DAB1: variants seen among roughly 807,000 people sequenced by gnomAD.
DAB1 encodes disabled homolog 1.
In DAB1, 15 loss-of-function variants were observed where a neutral mutation model predicts 64.6. The observed-to-expected ratio is 0.23, with a 90% CI of 0.16 to 0.36. The LOEUF (loss-of-function observed/expected upper bound fraction) is 0.36, where lower values mean the gene tolerates loss of function less well. Among genes scored for constraint, DAB1 ranks in the 10% least tolerant of loss-of-function variants. DAB1 has a pLI of 1.00. For missense variants in DAB1, 596 were observed against 706.7 expected, an observed-to-expected ratio of 0.84 and a Z score of 1.78; for synonymous variants, 235 against 251.9, an observed-to-expected ratio of 0.93 and a Z score of 0.64.
At chr1:58,012,338 G>A (rs1338323163) in intron 5 of DAB1, among the ~76,000 whole-genome samples, 3 of 152,076 alleles carry the variant, frequency 2.0e-5, no homozygotes, top group Non-Finnish European at 4.4e-5. Context: ...ACTCCATGGG[G>A]TGACTCAGGG....
chr1:58,497,846 T>C (rs1645830629), intron 3 of DAB1, among the ~76,000 whole-genome samples: 1 of 152,196 alleles, frequency 6.6e-6, no homozygotes. Context: ...TGTCTTAGTT[T>C]CAGTTGAAGA....
chr1:57,260,352 T>C (rs1670089527), intron 2 of DAB1, among the ~76,000 whole-genome samples: 1 of 152,166 alleles, frequency 6.6e-6, no homozygotes, highest in South Asian at 2.1e-4. Context: ...TCATTGCTCA[T>C]ATCATCTCAT....
chr1:57,365,416 A>G (rs1679916078), intron 1 of DAB1, among the ~76,000 whole-genome samples: 1 of 146,524 alleles, frequency 6.8e-6, no homozygotes, highest in Non-Finnish European at 1.5e-5. Flanking sequence ...AAGAATATAT[A>G]TATTCTGTAC....
intron 4 of DAB1, among the ~76,000 whole-genome samples, chr1:58,292,521 G>A (rs1260448748): frequency 1.3e-5 from 2 of 152,126 alleles, no homozygotes. Context: ...TGTCTTCAAT[G>A]TGTTCATATC....
chr1:57,223,816 C>A (rs1259048331), intron 2 of DAB1, among the ~76,000 whole-genome samples: 1 of 152,166 alleles, frequency 6.6e-6, no homozygotes, highest in Non-Finnish European at 1.5e-5. Context: ...CTGAGCTGGT[C>A]CTGCTGCCAC....
Position 58,505,981 on chromosome 1 carries a change from A to G in DAB1, n.257+79T>C, listed in dbSNP as rs1645982384. 5.4e-6 allele frequency: 4 copies of G among 744,536 alleles called. No homozygotes were observed. In the South Asian group the frequency reaches 7.1e-5, roughly 13 times the overall value. 46.1% of individuals were successfully genotyped at this position (744,536 alleles called of 1,614,324 possible). ...AGTTAATAGGCTAGAACTCTCTTTT[A>G]CTAAGCAAAAGAAGTGACAGCATTA... On this transcript the variant is annotated intron_variant and non_coding_transcript_variant, in intron 3 of 20. Transcript: ENST00000485760.
chr1:58,206,480 C>A (rs1658292023), intron 4 of DAB1, among the ~76,000 whole-genome samples: 4 of 152,126 alleles, frequency 2.6e-5, no homozygotes, highest in African/African-American at 7.2e-5. Context: ...TTCCCTTTGG[C>A]TTAGTGATTT....
At chr1:57,343,052 A>T (rs61769667) in intron 1 of DAB1, among the ~76,000 whole-genome samples, 76,845 of 151,038 alleles carry the variant, frequency 0.51, 20,269 homozygotes, top group Non-Finnish European at 0.56. Context: ...CCCCACCCAC[A>T]TCCTGCTGAT....
intron 3 of DAB1, among the ~76,000 whole-genome samples, chr1:57,144,485 G>A (rs1180348497): frequency 6.6e-6 from 1 of 152,058 alleles, no homozygotes; most frequent in Non-Finnish European, 1.5e-5. Context: ...CATGAGGTCA[G>A]GAGTTCGAGA....
intron 5 of DAB1, among the ~76,000 whole-genome samples, chr1:57,911,198 A>G (rs1251077098): frequency 6.6e-6 from 1 of 152,246 alleles, no homozygotes; most frequent in South Asian, 2.1e-4. Context: ...CCCCAGGTGC[A>G]GTGCAAAAGC....
intron 3 of DAB1, among the ~76,000 whole-genome samples, chr1:58,368,633 T>C (rs150403409): frequency 3.9e-4 from 60 of 152,282 alleles, no homozygotes; most frequent in African/African-American, 1.4e-3. Context: ...GAAGATGCAG[T>C]AAACCTGGGC....
intron 7 of DAB1, among the ~76,000 whole-genome samples, chr1:57,477,495 A>G (rs143391740): frequency 1.3e-5 from 2 of 152,278 alleles, no homozygotes; most frequent in East Asian, 3.9e-4. Context: ...TTATTTCAGG[A>G]CACTAGTTTT....
intron 5 of DAB1, among the ~76,000 whole-genome samples, chr1:58,144,201 A>G (rs1261385066): frequency 2.6e-5 from 4 of 152,206 alleles, no homozygotes; most frequent in African/African-American, 7.2e-5. Flanking sequence ...AAGGCATGGG[A>G]TGGCCTTTGA....
intron 7 of DAB1, among the ~76,000 whole-genome samples, chr1:57,445,132 T>C (rs561967424): frequency 1.8e-3 from 267 of 152,324 alleles, no homozygotes; most frequent in Non-Finnish European, 3.1e-3. Context: ...AAAATATTTT[T>C]AGAGTTTTAT....
At chr1:58,212,014 A>C (rs1172352657) in intron 4 of DAB1, among the ~76,000 whole-genome samples, 1 of 152,140 alleles carries the variant, frequency 6.6e-6, no homozygotes, top group African/African-American at 2.4e-5. Flanking sequence ...TCCCACTCCA[A>C]ACCCCTCCCT....
At chr1:58,417,528 C>T (rs1048541564) in intron 3 of DAB1, among the ~76,000 whole-genome samples, 1 of 152,192 alleles carries the variant, frequency 6.6e-6, no homozygotes, top group Non-Finnish European at 1.5e-5. Context: ...GAGGCAATAT[C>T]CAGTGCAGAA....
intron 1 of DAB1, among the ~76,000 whole-genome samples, chr1:57,321,044 T>C (rs1167434763): frequency 1.3e-5 from 2 of 152,094 alleles, no homozygotes; most frequent in Admixed American, 6.6e-5. Context: ...ATGCATTAAT[T>C]TTACAGATGA....
intron 9 of DAB1, chr1:57,033,488 T>C (rs537044511): frequency 8.7e-6 from 14 of 1,612,746 alleles, no homozygotes; most frequent in Middle Eastern, 1.6e-4. Flanking sequence ...GAAAATGACA[T>C]GAAACAGTTA....
At position 57,650,489 on chromosome 1, in the gene DAB1, G is replaced by A. The variant is rs192098608; in HGVS notation, n.552-824C>T. On this transcript the variant is annotated intron_variant and non_coding_transcript_variant, in intron 6 of 20. Transcript: ENST00000485760. The stretch of plus-strand genomic sequence containing the variant: ...TAAAAAAAATTGGTATTTCTGCATA[G>A]AAGAATAATATGTAAATATAAAAAT... Among the ~76,000 whole-genome samples, 9 of 152,216 alleles carry A rather than the reference G, an allele frequency of 5.9e-5. No individual in the cohort carries two copies. In the East Asian group the frequency reaches 1.7e-3, roughly 29 times the overall value.
Sources: allele counts gnomAD v4.1 joint callset (sites outside exome capture counted in the v4.1 genomes callset), GRCh38; gene constraint gnomAD v4.1.1; transcripts MANE v1.5; gene names NCBI Gene and HGNC (gene_info 2026-07-23, HGNC 2026-07-21).